The following KCNQ1 variants were observed in gnomAD, a reference collection of about 807,000 sequenced individuals.
The protein encoded by KCNQ1 is potassium voltage-gated channel subfamily KQT member 1.
A neutral mutation model predicts 72.4 loss-of-function variants in KCNQ1; 49 were observed. The observed-to-expected ratio is 0.68, with a 90% CI of 0.54 to 0.86. KCNQ1 has a LOEUF of 0.86. KCNQ1 is among the 40% of genes least tolerant of loss of function. The pLI, the probability that KCNQ1 is intolerant of heterozygous loss-of-function variation, is 0.00. For synonymous variants in KCNQ1, 450 were observed against 412.6 expected (o/e 1.09, Z -1.10); for missense variants, 790 against 945.1 (o/e 0.84, Z 2.15).
intron 1 of KCNQ1, among the ~76,000 whole-genome samples, chr11:2,504,904 C>T (rs1023706726): frequency 2.6e-5 from 4 of 152,166 alleles, no homozygotes; most frequent in East Asian, 1.9e-4. Flanking sequence ...TAAACCTATA[C>T]ACCTACTATG....
chr11:2,690,461 A>G lies in KCNQ1; in HGVS notation c.1514+28380A>G, dbSNP rs959608629. 1 of 398,486 alleles carries G rather than the reference A, an allele frequency of 2.5e-6. No individual in the cohort carries two copies. The highest frequency in any genetic ancestry group is 4.4e-5 in the Admixed American group (1 of 22,716). The allele number at this position is 398,486 out of a possible 1,614,324, so 24.7% of individuals were successfully genotyped here. ...GAGCTGGGTTAAGATAAGAGCAGAG[A>G]CTGGGTCCTGGGAACAGCCACTGGG... is the stretch of plus-strand genomic sequence containing the variant. On this transcript the variant is annotated intron_variant, in intron 11 of 15. Transcript: ENST00000155840. This position sits in a 1 kb window ranked among gnomAD's most constrained non-coding sequence, Gnocchi z 5.1.
At chr11:2,681,430 C>G (rs1850395136) in intron 11 of KCNQ1, 1 of 398,334 alleles carries the variant, frequency 2.5e-6, no homozygotes, top group South Asian at 1.3e-4. Context: ...TGTGACAGCT[C>G]TAGGGGATTT....
chr11:2,661,596 C>A lies in KCNQ1; in HGVS notation c.1394-365C>A. The A allele has an allele frequency of 1.8e-6, 1 of 571,090 alleles. No individual in the cohort carries two copies. Among genetic ancestry groups the A allele is most frequent in the Admixed American group, 3.0e-5 (1 of 32,878 alleles). The allele number at this position is 571,090 out of a possible 1,614,324, so 35.4% of individuals were successfully genotyped here. A position where few individuals can be genotyped will look rare whatever the true frequency, so the allele number is the denominator to read the frequency against. ...TGGTGGTGGGAGCTGTTGTCCCTTA[C>A]CAGGCCTGTGCCTGTCACCTCTGTT... On this transcript the variant is annotated intron_variant, in intron 10 of 15. Transcript: ENST00000155840. This position sits in a 1 kb window ranked among gnomAD's most constrained non-coding sequence, Gnocchi z 5.9.
chr11:2,843,103 C>T (rs1014643751), intron 15 of KCNQ1, among the ~76,000 whole-genome samples: 14 of 152,246 alleles, frequency 9.2e-5, no homozygotes, highest in African/African-American at 3.4e-4. Flanking sequence ...GGCCACAGCA[C>T]AGCAAGCTCC....
chr11:2,744,039 C>T (rs1846099428), intron 11 of KCNQ1, among the ~76,000 whole-genome samples: 1 of 152,232 alleles, frequency 6.6e-6, no homozygotes, highest in Middle Eastern at 3.2e-3. Context: ...CCTGCCCTCA[C>T]CCACGTAGCT....
chr11:2,580,754 G>C (rs1848487188), intron 6 of KCNQ1, among the ~76,000 whole-genome samples: 1 of 152,224 alleles, frequency 6.6e-6, no homozygotes, highest in African/African-American at 2.4e-5. Context: ...TTGGGCGCTG[G>C]TCTGCCACAC....
At chr11:2,749,745 A>G (rs1846196526) in intron 11 of KCNQ1, among the ~76,000 whole-genome samples, 1 of 151,776 alleles carries the variant, frequency 6.6e-6, no homozygotes, top group Non-Finnish European at 1.5e-5. Context: ...CCCAGGAGGC[A>G]GAGCTTGCAG....
chr11:2,588,983 G>A lies in KCNQ1; in HGVS notation c.1393+129G>A. On this transcript the variant is annotated intron_variant, in intron 10 of 15. Coordinates refer to ENST00000155840, the MANE Select transcript of KCNQ1 (RefSeq NM_000218.3). This position sits in a 1 kb window ranked among gnomAD's most constrained non-coding sequence, Gnocchi z 5.6. ...TGACAACGAGGTATGAACAGACAGA[G>A]GGTGGAGCTTCTAGAAACTTCTGTA... 1.8e-6 allele frequency: 2 copies of A among 1,132,082 alleles called. No homozygotes were observed. The highest frequency in any genetic ancestry group is 1.3e-6 in the Non-Finnish European group (1 of 785,928). 70.1% of individuals were successfully genotyped at this position (1,132,082 alleles called of 1,614,324 possible). A position where few individuals can be genotyped will look rare whatever the true frequency, so the allele number is the denominator to read the frequency against.
chr11:2,761,658 C>T (rs1327223661), intron 11 of KCNQ1, among the ~76,000 whole-genome samples: 1 of 152,130 alleles, frequency 6.6e-6, no homozygotes, highest in Admixed American at 6.5e-5. Context: ...AGAGAGACAC[C>T]ACCCCCTGCA....
In KCNQ1 at chr11:2,482,076, C is replaced by T. The variant is rs761453448; in HGVS notation, c.386+36592C>T. ...AGTTTCTTCATCTCTGAAACGGGAA[C>T]GATGGGAGCCCTCACCTCGTATGGT... On this transcript the variant is annotated intron_variant, in intron 1 of 15. Coordinates refer to ENST00000155840, the MANE Select transcript of KCNQ1 (RefSeq NM_000218.3). This position sits in a 1 kb window ranked among gnomAD's most constrained non-coding sequence, Gnocchi z 5.7. Among the ~76,000 whole-genome samples, 9 of 152,156 alleles carry T rather than the reference C, an allele frequency of 5.9e-5. No homozygotes were observed. Among genetic ancestry groups the T allele is most frequent in the East Asian group, 3.8e-4 (2 of 5,196 alleles).
chr11:2,560,532 TG>T (rs1306363258), intron 2 of KCNQ1, among the ~76,000 whole-genome samples: 1 of 13,084 alleles, frequency 7.6e-5, no homozygotes, highest in Non-Finnish European at 1.3e-4. Flanking sequence ...ATGTTCCTTC[TG>T]GGGGGGCGGG....
At position 2,682,636 on chromosome 11, in the gene KCNQ1, T is replaced by C. The variant is rs1301001258; in HGVS notation, c.1514+20555T>C. 2 of 398,606 alleles carry C rather than the reference T, an allele frequency of 5.0e-6. No individual in the cohort carries two copies. The highest frequency in any genetic ancestry group is 4.4e-6 in the Non-Finnish European group (1 of 226,094). 24.7% of individuals were successfully genotyped at this position (398,606 alleles called of 1,614,324 possible). A position where few individuals can be genotyped will look rare whatever the true frequency, so the allele number is the denominator to read the frequency against. On this transcript the variant is annotated intron_variant, in intron 11 of 15. Coordinates refer to ENST00000155840, the MANE Select transcript of KCNQ1 (RefSeq NM_000218.3). The surrounding 1 kb of genome is among the most constrained non-coding windows in gnomAD (Gnocchi z 5.8). ...GAGAGCTCTTCTTCAGGCTCAGTCA[T>C]CCCTGCTTCCCCAGGGCTCATGTCC... is the stretch of plus-strand genomic sequence containing the variant.
rs1554890037 is a variant in KCNQ1 at position 2,544,344 on chromosome 11, A to ATGTATATATG, written c.477+16335_477+16336insGTGTATATAT. 2.1e-5 allele frequency among the ~76,000 whole-genome samples: 3 copies of ATGTATATATG among 145,932 alleles called. No homozygotes were observed. Among genetic ancestry groups the ATGTATATATG allele is most frequent in the Non-Finnish European group, 4.5e-5 (3 of 67,118 alleles). On this transcript the variant is annotated intron_variant, in intron 2 of 15. Transcript: ENST00000155840. This position sits in a 1 kb window ranked among gnomAD's most constrained non-coding sequence, Gnocchi z 4.4. ...TCTATGTATATATATGTGTATGTAT[A>ATGTATATATG]TGTATATATATGTGTATATATATGT...
rs117435185 is a variant in KCNQ1, at chr11:2,617,269, A to G, written c.1393+28415A>G. On this transcript the variant is annotated intron_variant, in intron 10 of 15. Coordinates refer to ENST00000155840, the MANE Select transcript of KCNQ1 (RefSeq NM_000218.3). The surrounding 1 kb of genome is among the most constrained non-coding windows in gnomAD (Gnocchi z 4.6). Reference sequence around the variant, plus strand: ...CCCATGGTAACCACTAGTTTATTCTATCTCTGTATATTTGACTTTTTTCTT... The same window carrying G: ...CCCATGGTAACCACTAGTTTATTCTGTCTCTGTATATTTGACTTTTTTCTT... 5.0e-6 allele frequency: 2 copies of G among 398,172 alleles called. No homozygotes were observed. Among genetic ancestry groups the G allele is most frequent in the African/African-American group, 2.1e-5 (1 of 48,584 alleles). The allele number at this position is 398,172 out of a possible 1,614,324, so 24.7% of individuals were successfully genotyped here.
intron 15 of KCNQ1, among the ~76,000 whole-genome samples, chr11:2,814,869 A>G (rs1363222074): frequency 6.6e-6 from 1 of 152,194 alleles, no homozygotes; most frequent in East Asian, 1.9e-4. Flanking sequence ...TTCCATGCTC[A>G]TCAGAGGGTA....
intron 1 of KCNQ1, among the ~76,000 whole-genome samples, chr11:2,527,691 G>A (rs963153118): frequency 2.6e-5 from 4 of 152,348 alleles, no homozygotes; most frequent in East Asian, 3.9e-4. Flanking sequence ...CATGTTTCTC[G>A]GACCCATCCA....
chr11:2,824,079 CACAA>C lies in KCNQ1; in HGVS notation c.1795-23684_1795-23681del, dbSNP rs1216549972. On this transcript the variant is annotated intron_variant, in intron 15 of 15. Coordinates refer to ENST00000155840, the MANE Select transcript of KCNQ1 (RefSeq NM_000218.3). The surrounding 1 kb of genome is among the most constrained non-coding windows in gnomAD (Gnocchi z 5.9). The stretch of plus-strand genomic sequence containing the variant: ...TATAGCAGGCCTGCCCTTTCCACAG[CACAA>C]ACACCTTGACACACACCGTCACACA... 6.6e-6 allele frequency among the ~76,000 whole-genome samples: 1 copy of C among 152,124 alleles called. No individual in the cohort carries two copies. Among genetic ancestry groups the C allele is most frequent in the Non-Finnish European group, 1.5e-5 (1 of 68,018 alleles).
chr11:2,750,721 C>A lies in KCNQ1; in HGVS notation c.1515-18123C>A, dbSNP rs1390209702. Reference sequence around the variant, plus strand: ...TAAGTCATTTCAGTCAGGCCATTACCAATGGCTCATAATCTCCTGGGCTGC... The same window carrying A: ...TAAGTCATTTCAGTCAGGCCATTACAAATGGCTCATAATCTCCTGGGCTGC... On this transcript the variant is annotated intron_variant, in intron 11 of 15. Transcript: ENST00000155840. The surrounding 1 kb of genome is among the most constrained non-coding windows in gnomAD (Gnocchi z 6.3). Among the ~76,000 whole-genome samples the A allele has an allele frequency of 6.6e-6, 1 of 152,204 alleles. No individual in the cohort carries two copies. Among genetic ancestry groups the A allele is most frequent in the Non-Finnish European group, 1.5e-5 (1 of 68,028 alleles).
At chr11:2,636,264 GTTTTCAAAGGGAATGCTTCCAGTT>G (rs1430863100) in intron 10 of KCNQ1, 1 of 152,092 alleles carries the variant, frequency 6.6e-6, no homozygotes, top group Non-Finnish European at 1.5e-5. Flanking sequence ...TCTTGTGCCA[GTTTTCAAAGGGAATGCTTCCAGTT>G]TTTGCTCATT....
Sources: allele counts gnomAD v4.1 joint callset (sites outside exome capture counted in the v4.1 genomes callset), GRCh38; gene constraint gnomAD v4.1.1; non-coding constraint Gnocchi (gnomAD v3.1); transcripts MANE v1.5; gene names NCBI Gene and HGNC (gene_info 2026-07-23, HGNC 2026-07-21).